Variants in NWD1 observed in about 807,000 individuals in gnomAD.
NWD1 encodes the protein NACHT and WD repeat domain containing 1.
A neutral mutation model predicts 135.1 loss-of-function variants in NWD1; 129 were observed. The ratio of observed to expected loss-of-function variants is 0.96; its 90% CI spans 0.83 to 1.11. The LOEUF (loss-of-function observed/expected upper bound fraction) is 1.11, where lower values mean the gene tolerates loss of function less well. Ranked by LOEUF, NWD1 falls within the 50% of genes least tolerant of loss-of-function variation. The probability of loss-of-function intolerance (pLI) is 0.00; values close to 1 mark genes in which losing one functional copy is unlikely to be tolerated. For missense variants in NWD1, 1,740 were observed against 1,851.3 expected, an observed-to-expected ratio of 0.94 and a Z score of 1.10; for synonymous variants, 773 against 786.0, an observed-to-expected ratio of 0.98 and a Z score of 0.28.
In NWD1 at chr19:16,807,737, C is replaced by T. The variant is rs149942222; in HGVS notation, c.3888C>T (p.Pro1296=). 7.1e-5 allele frequency: 114 copies of T among 1,613,298 alleles called. No individual in the cohort carries two copies. Among genetic ancestry groups the T allele is most frequent in the South Asian group, 3.2e-4 (29 of 91,046 alleles). Residue 1296 remains proline (P), a synonymous_variant, in exon 18 of 19, where the codon CCC becomes CCT. Transcript: ENST00000524140. ...SRQDVICIPP[P]EARKAINCMS... Reference sequence around the variant, plus strand: ...AGGACGTGATATGCATTCCCCCTCCCGAGGCCCGGAAAGCAATCAACTGCA... The same window carrying T: ...AGGACGTGATATGCATTCCCCCTCCTGAGGCCCGGAAAGCAATCAACTGCA...
intron 3 of NWD1, among the ~76,000 whole-genome samples, chr19:16,733,800 G>A (rs1002739932): frequency 4.7e-5 from 6 of 128,210 alleles, no homozygotes; most frequent in Admixed American, 1.4e-4. Flanking sequence ...ATCGGGAGAC[G>A]GCGGTCCCTC....
chr19:16,764,761 C>T (rs538980975), intron 9 of NWD1, among the ~76,000 whole-genome samples: 2 of 152,144 alleles, frequency 1.3e-5, no homozygotes, highest in African/African-American at 4.8e-5. Context: ...ATTCTGCCCC[C>T]CCAGGGGACA....
intron 2 of NWD1, among the ~76,000 whole-genome samples, chr19:16,725,684 C>T (rs1441563306): frequency 6.6e-6 from 1 of 151,994 alleles, no homozygotes; most frequent in African/African-American, 2.4e-5. Flanking sequence ...TCCCAAGTAG[C>T]TGGGACTACA....
chr19:16,795,666 G>A (rs551828328), intron 15 of NWD1, among the ~76,000 whole-genome samples: 31 of 151,846 alleles, frequency 2.0e-4, no homozygotes, highest in Non-Finnish European at 3.8e-4. Context: ...ATCTGCCTGC[G>A]TCTGCCTCCC....
chr19:16,780,281 G>A (rs896903636), intron 12 of NWD1, among the ~76,000 whole-genome samples: 3 of 151,358 alleles, frequency 2.0e-5, no homozygotes, highest in Non-Finnish European at 4.4e-5. Flanking sequence ...TCAGCCTCCC[G>A]AGTAGCTGGG....
intron 12 of NWD1, among the ~76,000 whole-genome samples, chr19:16,782,804 G>A (rs546966044): frequency 1.3e-5 from 2 of 152,066 alleles, no homozygotes; most frequent in African/African-American, 4.8e-5. Context: ...GGGCAACAGA[G>A]TGAGATCCTG....
At position 16,749,626 on chromosome 19, in the gene NWD1, C is replaced by T. The variant is rs112475128; in HGVS notation, c.984C>T (p.His328=). 2.5e-4 allele frequency: 404 copies of T among 1,610,638 alleles called. No individual in the cohort carries two copies. In the African/African-American group the frequency reaches 2.9e-3, roughly 12 times the overall value. The change falls in exon 6 of 19, where the codon CAC becomes CAT. Residue 328 remains histidine, a synonymous_variant. Transcript: ENST00000524140. ...CCCGGCTTGGGCAGCAGCTCAGGCA[C>T]GATGACAGCAAGCAGCACACCCCCC... is the stretch of plus-strand genomic sequence containing the variant. ...LLARLGQQLR[H]DDSKQHTPLV... is the part of the protein sequence containing the mutation.
At chr19:16,743,960 G>A (rs1968195130) in intron 4 of NWD1, among the ~76,000 whole-genome samples, 1 of 152,160 alleles carries the variant, frequency 6.6e-6, no homozygotes, top group Admixed American at 6.6e-5. Context: ...TGGGATTACA[G>A]GTGTGAGCCA....
At position 16,750,056 on chromosome 19, in the gene NWD1, G is replaced by A. The variant is rs374207879; in HGVS notation, c.1414G>A (p.Ala472Thr). 1.9e-6 allele frequency: 3 copies of A among 1,613,854 alleles called. No homozygotes were observed. Among genetic ancestry groups the A allele is most frequent in the African/African-American group, 1.3e-5 (1 of 74,926 alleles). The change falls in exon 6 of 19, where the codon GCA (alanine) becomes ACA (threonine). Residue 472 changes from alanine to threonine, a missense_variant. Ala to Thr is a moderately conservative substitution (Grantham distance 58, BLOSUM62 0). Coordinates refer to ENST00000524140, the MANE Select transcript of NWD1 (RefSeq NM_001007525.5). ...VHLILSACSG[A>T]LGVLDTLQRV... Reference sequence around the variant, plus strand: ...CCTCATCCTCTCAGCTTGCTCGGGGGCACTGGGGGTTTTGGACACCTTGCA... The same window carrying A: ...CCTCATCCTCTCAGCTTGCTCGGGGACACTGGGGGTTTTGGACACCTTGCA...
At chr19:16,782,775 G>T (rs760257470) in intron 12 of NWD1, among the ~76,000 whole-genome samples, 2 of 151,938 alleles carry the variant, frequency 1.3e-5, no homozygotes, top group Non-Finnish European at 2.9e-5. Flanking sequence ...CCTTGAGCCC[G>T]GGTGTTTGAG....
chr19:16,756,739 G>A (rs931077521), intron 6 of NWD1, among the ~76,000 whole-genome samples: 14 of 152,018 alleles, frequency 9.2e-5, no homozygotes, highest in Non-Finnish European at 1.8e-4. Flanking sequence ...GTACTGCTCC[G>A]TGGCCTGTTA....
Position 16,800,142 on chromosome 19 carries a change from C to A in NWD1, c.3716C>A (p.Thr1239Asn). The A allele has an allele frequency of 6.2e-7, 1 of 1,612,696 alleles. No homozygotes were observed. Among genetic ancestry groups the A allele is most frequent in the Non-Finnish European group, 8.5e-7 (1 of 1,179,252 alleles). The change falls in exon 17 of 19, where the codon ACT becomes AAT. Residue 1239 changes from threonine (T) to asparagine (N), a missense_variant. Coordinates refer to ENST00000524140, the MANE Select transcript of NWD1 (RefSeq NM_001007525.5). ...AAAATTGGGGACAAAAACAAAGTCACTATTTGGGACTTGGCAGAAGGTTGG... is the reference window on the plus strand; with the variant it reads ...AAAATTGGGGACAAAAACAAAGTCAATATTTGGGACTTGGCAGAAGGTTGG... The part of the protein sequence containing the change: ...FPKIGDKNKV[T>N]IWDLAEGEEQ...
At chr19:16,796,426 C>T (rs1970419110) in intron 15 of NWD1, among the ~76,000 whole-genome samples, 1 of 152,048 alleles carries the variant, frequency 6.6e-6, no homozygotes, top group African/African-American at 2.4e-5. Flanking sequence ...CATGCCACTG[C>T]CACAAAAGTC....
chr19:16,781,550 G>C (rs1430833173), intron 12 of NWD1, among the ~76,000 whole-genome samples: 3 of 151,534 alleles, frequency 2.0e-5, no homozygotes. Context: ...CAGGAGATTG[G>C]GGCTACAGTG....
intron 18 of NWD1, among the ~76,000 whole-genome samples, chr19:16,813,757 G>A (rs1318620050): frequency 6.6e-6 from 1 of 151,294 alleles, no homozygotes. Context: ...GATTAGAGAT[G>A]TGAGCCACCA....
At chr19:16,751,218 C>T (rs1302504170) in intron 6 of NWD1, among the ~76,000 whole-genome samples, 2 of 122,588 alleles carry the variant, frequency 1.6e-5, no homozygotes, top group Admixed American at 8.1e-5. Context: ...GAGCAAAACT[C>T]GATCTCAAAA....
At chr19:16,736,044 A>G (rs1185130701) in intron 3 of NWD1, among the ~76,000 whole-genome samples, 3 of 151,410 alleles carry the variant, frequency 2.0e-5, no homozygotes, top group Non-Finnish European at 2.9e-5. Flanking sequence ...CAGCTCTTCT[A>G]TCTAAGTCTT....
chr19:16,780,321 A>C (rs1184393212), intron 12 of NWD1, among the ~76,000 whole-genome samples: 10 of 151,576 alleles, frequency 6.6e-5, no homozygotes, highest in Non-Finnish European at 1.2e-4. Flanking sequence ...ATGCCTGGCT[A>C]ATTTTTTATA....
At chr19:16,794,353 G>A (rs1568385915) in intron 14 of NWD1, 110 bp from the exon 15 acceptor site, 2 of 616,672 alleles carry the variant, frequency 3.2e-6, no homozygotes, top group Non-Finnish European at 5.7e-6. Context: ...GAGACAGAGT[G>A]AGACTCCATC....
Sources: allele counts gnomAD v4.1 joint callset (sites outside exome capture counted in the v4.1 genomes callset), GRCh38; gene constraint gnomAD v4.1.1; transcripts MANE v1.5; gene names NCBI Gene and HGNC (gene_info 2026-07-23, HGNC 2026-07-21).